Variants in ERGIC1 observed in about 807,000 individuals in gnomAD.
ERGIC1 encodes the protein endoplasmic reticulum-Golgi intermediate compartment protein 1.
ERGIC1 carries 19 observed loss-of-function variants against 38.3 expected under a neutral mutation model. The ratio of observed to expected loss-of-function variants is 0.50; its 90% confidence interval spans 0.35 to 0.73. The LOEUF (loss-of-function observed/expected upper bound fraction) is 0.73, where lower values mean the gene tolerates loss of function less well. Ranked by LOEUF, ERGIC1 falls within the 30% of genes least tolerant of loss-of-function variation. The probability of loss-of-function intolerance (pLI) is 0.01; values close to 1 mark genes in which losing one functional copy is unlikely to be tolerated. For synonymous variants in ERGIC1, 124 were observed against 157.6 expected (o/e 0.79, Z 1.60); for missense variants, 294 against 389.2 (o/e 0.76, Z 2.06).
At chr5:172,877,772 G>A (rs1762183981) in intron 1 of ERGIC1, among the ~76,000 whole-genome samples, 1 of 152,126 alleles carries the variant, frequency 6.6e-6, no homozygotes, top group Non-Finnish European at 1.5e-5. Flanking sequence ...ATTACAGCTG[G>A]TGCTGTGGTA....
intron 3 of ERGIC1, among the ~76,000 whole-genome samples, chr5:172,904,097 T>C (rs1286249468): frequency 1.3e-5 from 2 of 152,182 alleles, no homozygotes; most frequent in Non-Finnish European, 2.9e-5. Flanking sequence ...GGAATCTTTA[T>C]CCTTATTTTC....
chr5:172,896,118 G>T (rs929738351), intron 2 of ERGIC1, among the ~76,000 whole-genome samples: 1 of 152,058 alleles, frequency 6.6e-6, no homozygotes, highest in African/African-American at 2.4e-5. Flanking sequence ...TGAGGCGGGC[G>T]GTTCACTTGA....
At chr5:172,859,694 G>C (rs1761647896) in intron 1 of ERGIC1, among the ~76,000 whole-genome samples, 1 of 152,198 alleles carries the variant, frequency 6.6e-6, no homozygotes, top group Non-Finnish European at 1.5e-5. Context: ...CTCATGTGCT[G>C]GGCCTGGGCT....
At chr5:172,862,973 A>G (rs1761755860) in intron 1 of ERGIC1, among the ~76,000 whole-genome samples, 1 of 152,178 alleles carries the variant, frequency 6.6e-6, no homozygotes, top group South Asian at 2.1e-4. Flanking sequence ...CGAGCCTTCT[A>G]TTTATTTATA....
chr5:172,890,235 C>T (rs1046224534), intron 2 of ERGIC1, among the ~76,000 whole-genome samples: 3 of 152,182 alleles, frequency 2.0e-5, no homozygotes, highest in African/African-American at 7.2e-5. Flanking sequence ...AACTCACAAT[C>T]CCAGGTCAGG....
chr5:172,868,267 A>C (rs912606456), intron 1 of ERGIC1, among the ~76,000 whole-genome samples: 5 of 152,232 alleles, frequency 3.3e-5, no homozygotes, highest in African/African-American at 1.2e-4. Context: ...GTCCAAAGTC[A>C]TGCAGCTAAT....
At chr5:172,889,549 A>C (rs143617325) in intron 2 of ERGIC1, among the ~76,000 whole-genome samples, 2 of 152,316 alleles carry the variant, frequency 1.3e-5, no homozygotes, top group African/African-American at 2.4e-5. Flanking sequence ...TGGTGTCAGC[A>C]GGACCTAGGA....
chr5:172,926,827 CATT>C lies in ERGIC1; in HGVS notation c.541+262_541+264del. 1.9e-6 allele frequency: 1 copy of C among 520,732 alleles called. No homozygotes were observed. The highest frequency in any genetic ancestry group is 3.5e-6 in the Non-Finnish European group (1 of 286,856). 32.3% of individuals were successfully genotyped at this position (520,732 alleles called of 1,614,324 possible). On this transcript the variant is annotated intron_variant, in intron 7 of 9. Transcript: ENST00000393784. This position sits in a 1 kb window ranked among gnomAD's most constrained non-coding sequence, Gnocchi z 5.2. ...GCACGCAGTGGATACCAGCTATTAC[CATT>C]ATTGTTGCTCTCATCACAGCCACAT...
intron 2 of ERGIC1, among the ~76,000 whole-genome samples, chr5:172,889,093 T>C (rs1194219969): frequency 6.6e-6 from 1 of 152,182 alleles, no homozygotes; most frequent in East Asian, 1.9e-4. Context: ...GAGACCAGGC[T>C]GACCAACATG....
At chr5:172,842,159 T>G (rs1299827610) in intron 1 of ERGIC1, among the ~76,000 whole-genome samples, 2 of 152,210 alleles carry the variant, frequency 1.3e-5, no homozygotes, top group Non-Finnish European at 2.9e-5. Flanking sequence ...CAATTCTGCC[T>G]CAGCCTCCCA....
At chr5:172,899,947 A>G (rs1158353787) in intron 3 of ERGIC1, among the ~76,000 whole-genome samples, 1 of 152,230 alleles carries the variant, frequency 6.6e-6, no homozygotes, top group African/African-American at 2.4e-5. Flanking sequence ...CATTTCCTAC[A>G]TAGTCTGCAT....
intron 4 of ERGIC1, among the ~76,000 whole-genome samples, chr5:172,912,411 A>G (rs1251157979): frequency 6.6e-6 from 1 of 151,188 alleles, no homozygotes; most frequent in African/African-American, 2.4e-5. Flanking sequence ...GTTTTGAGAC[A>G]GAGTCTCACA....
intron 1 of ERGIC1, among the ~76,000 whole-genome samples, chr5:172,858,075 T>C (rs1172844888): frequency 6.6e-6 from 1 of 152,182 alleles, no homozygotes; most frequent in Non-Finnish European, 1.5e-5. Flanking sequence ...AGCAGGGGGC[T>C]GTGAGGCCTG....
chr5:172,911,088 C>A (rs1235605103), intron 4 of ERGIC1, among the ~76,000 whole-genome samples: 1 of 152,144 alleles, frequency 6.6e-6, no homozygotes, highest in Non-Finnish European at 1.5e-5. Flanking sequence ...CCCAGCCTGG[C>A]ACAGAGCCTG....
At chr5:172,894,198 T>TC (rs1271095076) in intron 2 of ERGIC1, among the ~76,000 whole-genome samples, 3 of 133,730 alleles carry the variant, frequency 2.2e-5, no homozygotes, top group East Asian at 2.2e-4. Context: ...ACTTTTTCTT[T>TC]TTTTTTTTTT....
chr5:172,839,260 A>G (rs960818046), intron 1 of ERGIC1, among the ~76,000 whole-genome samples: 1 of 127,698 alleles, frequency 7.8e-6, no homozygotes, highest in South Asian at 2.6e-4. Context: ...AAAAAAAAAA[A>G]GTATATATAT....
Position 172,884,808 on chromosome 5 carries a change from A to G in ERGIC1, c.21-3891A>G, listed in dbSNP as rs75637839. On this transcript the variant is annotated intron_variant, in intron 1 of 9. Transcript: ENST00000393784. The stretch of plus-strand genomic sequence containing the variant: ...ATGGAAAGAGCTAGGAAATGTATGT[A>G]TATATGATACGTATATATACATGTG... Among the ~76,000 whole-genome samples the G allele has an allele frequency of 2.1e-3, 314 of 152,344 alleles. 1 individual carries two copies. Among genetic ancestry groups the G allele is most frequent in the African/African-American group, 7.0e-3 (291 of 41,578 alleles).
chr5:172,911,479 C>A (rs1763207366), intron 4 of ERGIC1, among the ~76,000 whole-genome samples: 1 of 152,172 alleles, frequency 6.6e-6, no homozygotes, highest in African/African-American at 2.4e-5. Flanking sequence ...CCATGCCCTG[C>A]TGGATCTGTG....
In ERGIC1 at chr5:172,915,665, C is replaced by T. The variant is rs4868228; in HGVS notation, c.375+827C>T. On this transcript the variant is annotated intron_variant, in intron 5 of 9. Coordinates refer to ENST00000393784, the MANE Select transcript of ERGIC1 (RefSeq NM_001031711.3). Reference sequence around the variant, plus strand: ...CTGTCACAGTGGAGCCTCTCAACAACGCTGTGAGGCAGCACCATTTGACAG... The same window carrying T: ...CTGTCACAGTGGAGCCTCTCAACAATGCTGTGAGGCAGCACCATTTGACAG... 5,148 of 470,804 alleles carry T rather than the reference C, an allele frequency of 0.011. 219 individuals are homozygous for T. In the East Asian group the frequency reaches 0.14, roughly 13 times the overall value. 29.2% of individuals were successfully genotyped at this position (470,804 alleles called of 1,614,324 possible).
Sources: gnomAD v4.1 joint callset for allele counts (sites outside exome capture counted in the v4.1 genomes callset) on GRCh38, gnomAD v4.1.1 for gene constraint, Gnocchi (gnomAD v3.1) non-coding constraint, MANE v1.5 for transcripts, NCBI Gene and HGNC (gene_info 2026-07-23, HGNC 2026-07-21) for gene names.